The following IGF2BP3 variants were observed in gnomAD, a reference collection of about 807,000 sequenced individuals.
The protein encoded by IGF2BP3 is insulin like growth factor 2 mRNA binding protein 3.
IGF2BP3 carries 9 observed loss-of-function variants against 73.8 expected under a neutral mutation model. That is an observed-to-expected ratio of 0.12 (90% CI 0.07 to 0.21). The LOEUF is 0.21. Among genes scored for constraint, IGF2BP3 ranks in the 10% least tolerant of loss-of-function variants. IGF2BP3 has a pLI of 1.00. For synonymous variants in IGF2BP3, 258 were observed against 256.7 expected, an observed-to-expected ratio of 1.01 and a Z score of -0.05; for missense variants, 542 against 714.0, an observed-to-expected ratio of 0.76 and a Z score of 2.75.
At chr7:23,315,462 A>G (rs1442544468) in intron 12 of IGF2BP3, among the ~76,000 whole-genome samples, 1 of 152,174 alleles carries the variant, frequency 6.6e-6, no homozygotes, top group Non-Finnish European at 1.5e-5. Context: ...GCATGCAACT[A>G]TATAAACAAC....
intron 3 of IGF2BP3, among the ~76,000 whole-genome samples, chr7:23,399,151 A>G (rs1304273170): frequency 6.6e-6 from 1 of 152,118 alleles, no homozygotes; most frequent in Admixed American, 6.5e-5. Flanking sequence ...TCCCAGCACC[A>G]TTTATTAAAT....
In IGF2BP3 at chr7:23,420,444, A is replaced by G. The variant is rs142659384; in HGVS notation, c.237-1620T>C. ...AGTGAGCTGTGACTGCACCACTGCAATCCAGCCTGGGCAACAGAGTGACAA... is the reference window on the plus strand; with the variant it reads ...AGTGAGCTGTGACTGCACCACTGCAGTCCAGCCTGGGCAACAGAGTGACAA... On this transcript the variant is annotated intron_variant, in intron 2 of 14. Transcript: ENST00000258729. Among the ~76,000 whole-genome samples, 599 of 152,164 alleles carry G rather than the reference A, an allele frequency of 3.9e-3. 6 individuals are homozygous for G. The highest frequency in any genetic ancestry group is 0.014 in the African/African-American group (563 of 41,522).
chr7:23,327,436 A>G (rs1210197422), intron 10 of IGF2BP3, among the ~76,000 whole-genome samples: 1 of 151,522 alleles, frequency 6.6e-6, no homozygotes, highest in Non-Finnish European at 1.5e-5. Context: ...GCCCACCATC[A>G]CGCCCGGCTA....
At chr7:23,370,035 T>A (rs58745473) in intron 3 of IGF2BP3, among the ~76,000 whole-genome samples, 2,827 of 152,284 alleles carry the variant, frequency 0.019, 83 homozygotes, top group African/African-American at 0.065. Flanking sequence ...AAATTGCCAG[T>A]ATAACTTGTC....
chr7:23,345,255 G>T (rs1296492534), intron 8 of IGF2BP3, among the ~76,000 whole-genome samples: 1 of 152,220 alleles, frequency 6.6e-6, no homozygotes, highest in East Asian at 1.9e-4. Flanking sequence ...GATTCTAAGT[G>T]TGGTAGCCTG....
At chr7:23,319,684 C>T (rs986414041) in intron 10 of IGF2BP3, among the ~76,000 whole-genome samples, 1 of 152,126 alleles carries the variant, frequency 6.6e-6, no homozygotes, top group African/African-American at 2.4e-5. Context: ...CAGCTCCACA[C>T]CTTATCTATG....
intron 3 of IGF2BP3, among the ~76,000 whole-genome samples, chr7:23,415,792 C>T (rs910702742): frequency 1.3e-5 from 2 of 152,198 alleles, no homozygotes; most frequent in African/African-American, 4.8e-5. Context: ...ACCCTCAGGC[C>T]GTGGCTGCTC....
intron 11 of IGF2BP3, 88 bp downstream of exon 11, chr7:23,319,050 A>C: frequency 1.1e-6 from 1 of 876,204 alleles, no homozygotes. Flanking sequence ...TGTCTTTTAC[A>C]TTCTATTCAA....
At position 23,310,919 on chromosome 7, in the gene IGF2BP3, A is replaced by G. The variant is rs1783809058; in HGVS notation, c.*1443T>C. 6.6e-6 allele frequency: 1 copy of G among 152,148 alleles called. No homozygotes were observed. The highest frequency in any genetic ancestry group is 2.1e-4 in the South Asian group (1 of 4,824). The allele number at this position is 152,148 out of a possible 1,614,324, so 9.4% of individuals were successfully genotyped here. The stretch of plus-strand genomic sequence containing the variant: ...CTTGGAGACCACCCACACCCAACAC[A>G]ATTGTACGTACTGGGCTTTGCTGTC... On this transcript the variant is annotated 3_prime_UTR_variant, in exon 15 of 15. Transcript: ENST00000258729.
At chr7:23,313,137 A>G (rs1455175638) in intron 13 of IGF2BP3, among the ~76,000 whole-genome samples, 1 of 152,240 alleles carries the variant, frequency 6.6e-6, no homozygotes, top group Non-Finnish European at 1.5e-5. Context: ...TAGCTTTGAA[A>G]CCCACTTACA....
chr7:23,407,568 A>T (rs893441494), intron 3 of IGF2BP3, among the ~76,000 whole-genome samples: 13 of 150,376 alleles, frequency 8.6e-5, no homozygotes, highest in African/African-American at 2.7e-4. Flanking sequence ...AGATTGGGCC[A>T]TCGCACTCCG....
chr7:23,325,710 G>A (rs931632951), intron 10 of IGF2BP3, among the ~76,000 whole-genome samples: 31 of 152,152 alleles, frequency 2.0e-4, no homozygotes, highest in African/African-American at 6.3e-4. Context: ...GCATGGGACT[G>A]GTACCAAAAC....
At chr7:23,421,796 CT>C (rs1787356453) in intron 2 of IGF2BP3, among the ~76,000 whole-genome samples, 4 of 150,440 alleles carry the variant, frequency 2.7e-5, no homozygotes, top group Admixed American at 2.6e-4. Context: ...TGTTTTTGTT[CT>C]GTTTTGAGAT....
intron 3 of IGF2BP3, among the ~76,000 whole-genome samples, chr7:23,400,708 C>T (rs1025497108): frequency 6.6e-6 from 1 of 152,256 alleles, no homozygotes; most frequent in Non-Finnish European, 1.5e-5. Flanking sequence ...AATACCTACA[C>T]AAGCACACAC....
At chr7:23,420,615 C>T (rs76615654) in intron 2 of IGF2BP3, among the ~76,000 whole-genome samples, 2 of 152,212 alleles carry the variant, frequency 1.3e-5, no homozygotes, top group Admixed American at 6.5e-5. Flanking sequence ...AGATTCATAA[C>T]CTAGTTTAGT....
intron 2 of IGF2BP3, among the ~76,000 whole-genome samples, chr7:23,457,329 G>A (rs1584066060): frequency 6.6e-6 from 1 of 151,822 alleles, no homozygotes; most frequent in Admixed American, 6.6e-5. Flanking sequence ...GCCGGGTGTG[G>A]TGGCACACAC....
intron 3 of IGF2BP3, among the ~76,000 whole-genome samples, chr7:23,383,532 A>G (rs1386491665): frequency 6.6e-6 from 1 of 152,242 alleles, no homozygotes; most frequent in East Asian, 1.9e-4. Flanking sequence ...ACCGCTGGCA[A>G]GAATGTAAAA....
chr7:23,376,541 A>G lies in IGF2BP3; in HGVS notation c.286-14800T>C, dbSNP rs11981680. ...CAGAGTAAGGCTCCATCTCCCAAAG[A>G]AAAAAAAAAAAAAAAAAGAAAGAAA... On this transcript the variant is annotated intron_variant, in intron 3 of 14. Transcript: ENST00000258729. Among the ~76,000 whole-genome samples, 1,224 of 129,964 alleles carry G rather than the reference A, an allele frequency of 9.4e-3. 17 individuals carry two copies. The highest frequency in any genetic ancestry group is 0.032 in the African/African-American group (1,135 of 35,352). 85.3% of individuals were successfully genotyped at this position (129,964 alleles called of 152,430 possible). A position where few individuals can be genotyped will look rare whatever the true frequency, so the allele number is the denominator to read the frequency against.
At position 23,470,048 on chromosome 7, in the gene IGF2BP3, G is replaced by C. The variant is rs1467008367; in HGVS notation, c.63C>G (p.Ile21Met). The change falls in exon 1 of 15, where the codon ATC becomes ATG. Residue 21 changes from isoleucine to methionine, a missense_variant. Physicochemically the swap from Ile to Met is conservative, Grantham distance 10. Coordinates refer to ENST00000258729, the MANE Select transcript of IGF2BP3 (RefSeq NM_006547.3). ...ACACCGGGATCTTGGCGTCCTTGAA[G>C]ATACTTTCTAGGTCCGAGGGGGCGG... ...ENAAPSDLES[I>M]FKDAKIPVSG... 1.7e-5 allele frequency: 27 copies of C among 1,611,950 alleles called. No individual in the cohort carries two copies. The highest frequency in any genetic ancestry group is 2.1e-5 in the Non-Finnish European group (25 of 1,179,530).
Sources: allele counts gnomAD v4.1 joint callset (sites outside exome capture counted in the v4.1 genomes callset), GRCh38; gene constraint gnomAD v4.1.1; transcripts MANE v1.5; gene names NCBI Gene and HGNC (gene_info 2026-07-23, HGNC 2026-07-21).